IREB2: variants seen among roughly 807,000 people sequenced by gnomAD.
IREB2 encodes iron responsive element binding protein 2.
IREB2 carries 39 observed loss-of-function variants against 118.8 expected under a neutral mutation model. That is an observed-to-expected ratio of 0.33 (90% CI 0.25 to 0.43). The LOEUF (loss-of-function observed/expected upper bound fraction) is 0.43, where lower values mean the gene tolerates loss of function less well. IREB2 is among the 20% of genes least tolerant of loss of function. The pLI is 1.00. For missense variants in IREB2, 900 were observed against 1,147.3 expected (o/e 0.78, Z 3.11); for synonymous variants, 372 against 392.2 (o/e 0.95, Z 0.61).
chr15:78,438,453 G>C (rs1282371212), intron 1 of IREB2, 97 bp downstream of exon 1: 2 of 1,391,716 alleles, frequency 1.4e-6, no homozygotes, highest in Non-Finnish European at 2.0e-6. Flanking sequence ...CGCTCGGCAG[G>C]CGCCCAGGCC....
At chr15:78,471,999 A>T (rs1802517997) in intron 7 of IREB2, 75 bp downstream of exon 7, 1 of 1,211,750 alleles carries the variant, frequency 8.3e-7, no homozygotes. Flanking sequence ...AACATAAATT[A>T]TTGAGTTTGT....
intron 10 of IREB2, chr15:78,479,951 A>G (rs1194004097): frequency 6.6e-6 from 1 of 151,730 alleles, no homozygotes; most frequent in African/African-American, 2.4e-5. Context: ...TTGGAAATTT[A>G]TATCAAAATA....
intron 2 of IREB2, among the ~76,000 whole-genome samples, chr15:78,444,061 TA>T (rs370459615): frequency 9.5e-4 from 141 of 148,484 alleles, no homozygotes; most frequent in Non-Finnish European, 1.7e-3. Flanking sequence ...AGTAACTCTT[TA>T]AAAAAAAAAA....
intron 5 of IREB2, among the ~76,000 whole-genome samples, chr15:78,467,963 G>T (rs769872885): frequency 1.2e-4 from 19 of 152,038 alleles, no homozygotes; most frequent in Non-Finnish European, 2.5e-4. Flanking sequence ...GGACTCAGGT[G>T]ATCCTCCCAC....
At chr15:78,466,586 A>G (rs2051287510) in intron 5 of IREB2, 97 bp downstream of exon 5, 5 of 776,422 alleles carry the variant, frequency 6.4e-6, no homozygotes, top group Non-Finnish European at 1.1e-5. Context: ...CTATTATGTT[A>G]CCTTCACACT....
chr15:78,451,353 TAA>T (rs773693876), intron 2 of IREB2, among the ~76,000 whole-genome samples: 1 of 141,092 alleles, frequency 7.1e-6, no homozygotes, highest in African/African-American at 2.6e-5. Flanking sequence ...AACTGTTCTT[TAA>T]AAAAAAAAAA....
chr15:78,485,064 G>A, intron 12 of IREB2, 144 bp downstream of exon 12: 1 of 671,572 alleles, frequency 1.5e-6, no homozygotes, highest in South Asian at 2.9e-5. Context: ...TAGGTCTTAA[G>A]GAGCCTGAGT....
At chr15:78,490,550 T>A (rs2051733276) in intron 17 of IREB2, 24 bp downstream of exon 17, 1 of 1,603,468 alleles carries the variant, frequency 6.2e-7, no homozygotes, top group Admixed American at 1.7e-5. Flanking sequence ...TACTATTTGA[T>A]CTTTTAAAGA....
intron 5 of IREB2, 53 bp downstream of exon 5, chr15:78,466,542 A>C: frequency 8.1e-7 from 1 of 1,239,160 alleles, no homozygotes; most frequent in Non-Finnish European, 1.1e-6. Flanking sequence ...TTTCCAGTTA[A>C]GAAAATCAAA....
intron 16 of IREB2, among the ~76,000 whole-genome samples, chr15:78,489,660 G>A (rs767574027): frequency 6.6e-6 from 1 of 151,926 alleles, no homozygotes; most frequent in Non-Finnish European, 1.5e-5. Context: ...GGCCACAGGC[G>A]CTCACCATCA....
rs774492226 is a variant in IREB2 at position 78,438,306 on chromosome 15, C to A, written c.-32C>A. 1.3e-6 allele frequency: 2 copies of A among 1,574,314 alleles called. No individual in the cohort carries two copies. Among genetic ancestry groups the A allele is most frequent in the East Asian group, 4.6e-5 (2 of 43,324 alleles). ...CCTCCCCCTTCTTCCCCCGCTGGCC[C>A]CCTCCCCGGAGGGATAATATGGTCT... On this transcript the variant is annotated 5_prime_UTR_variant, in exon 1 of 22. Coordinates refer to ENST00000258886, the MANE Select transcript of IREB2 (RefSeq NM_004136.4).
Position 78,465,231 on chromosome 15 carries a change from G to T in IREB2, c.273-20G>T. 2 of 1,590,058 alleles carry T rather than the reference G, an allele frequency of 1.3e-6. No homozygotes were observed. The highest frequency in any genetic ancestry group is 2.3e-5 in the South Asian group (2 of 86,896). On this transcript the variant is annotated intron_variant, in intron 3 of 21. Transcript: ENST00000258886. ...TAAAAAACAATTTGGACTATAATTT[G>T]ACCATTCTTTATTTTTTAGTGGAAT...
chr15:78,450,543 G>T (rs2051005661), intron 2 of IREB2, among the ~76,000 whole-genome samples: 2 of 152,178 alleles, frequency 1.3e-5, no homozygotes, highest in African/African-American at 4.8e-5. Flanking sequence ...TGATGATCAG[G>T]AACTAGTGGT....
At chr15:78,484,010 C>T (rs1317253689) in intron 11 of IREB2, among the ~76,000 whole-genome samples, 1 of 151,968 alleles carries the variant, frequency 6.6e-6, no homozygotes, top group Non-Finnish European at 1.5e-5. Flanking sequence ...GTCTTCAACT[C>T]CTGACCTCAA....
At chr15:78,491,876 T>C (rs868252472) in intron 18 of IREB2, among the ~76,000 whole-genome samples, 4 of 152,244 alleles carry the variant, frequency 2.6e-5, no homozygotes, top group African/African-American at 7.2e-5. Context: ...AAGTTTCCTT[T>C]CCTGTAAATA....
Position 78,498,188 on chromosome 15 carries a change from C to G in IREB2, c.*45C>G. ...CCTTTCATAACTGGTAACTGCAAAG[C>G]CTTTTGTGCTGGACCCAGGAATCCT... On this transcript the variant is annotated 3_prime_UTR_variant, in exon 22 of 22. Transcript: ENST00000258886. The G allele has an allele frequency of 9.0e-7, 1 of 1,106,694 alleles. No individual in the cohort carries two copies. Among genetic ancestry groups the G allele is most frequent in the African/African-American group, 1.5e-5 (1 of 65,294 alleles). The allele number at this position is 1,106,694 out of a possible 1,614,324, so 68.6% of individuals were successfully genotyped here.
At chr15:78,485,953 T>G in intron 13 of IREB2, 113 bp downstream of exon 13, 1 of 895,584 alleles carries the variant, frequency 1.1e-6, no homozygotes, top group Non-Finnish European at 1.7e-6. Context: ...GCTTTAGTTT[T>G]ACTTGCTACC....
intron 5 of IREB2, among the ~76,000 whole-genome samples, chr15:78,468,889 C>T (rs1470000805): frequency 6.6e-6 from 1 of 152,098 alleles, no homozygotes. Flanking sequence ...AGCATGTTGA[C>T]TTTTGAGATT....
intron 2 of IREB2, among the ~76,000 whole-genome samples, chr15:78,453,890 A>C (rs1036858088): frequency 7.2e-5 from 11 of 152,208 alleles, no homozygotes; most frequent in African/African-American, 2.7e-4. Flanking sequence ...TGAGGTTATA[A>C]TCATGTGTTT....
Sources: allele counts gnomAD v4.1 joint callset (sites outside exome capture counted in the v4.1 genomes callset), GRCh38; gene constraint gnomAD v4.1.1; transcripts MANE v1.5; gene names NCBI Gene and HGNC (gene_info 2026-07-23, HGNC 2026-07-21).